The following IFT172 variants were observed in gnomAD, a reference collection of about 807,000 sequenced individuals.
IFT172 encodes the protein intraflagellar transport protein 172 homolog.
Under a neutral mutation model 248.9 loss-of-function variants are expected in IFT172, and 164 were observed. The observed-to-expected ratio is 0.66, with a 90% CI of 0.58 to 0.75. The LOEUF is 0.75. IFT172 is among the 30% of genes least tolerant of loss of function. The probability of loss-of-function intolerance (pLI) is 0.00; values close to 1 mark genes in which losing one functional copy is unlikely to be tolerated. For missense variants in IFT172, 1,950 were observed against 2,192.4 expected, an observed-to-expected ratio of 0.89 and a Z score of 2.21; for synonymous variants, 729 against 791.6, an observed-to-expected ratio of 0.92 and a Z score of 1.33.
At position 27,481,278 on chromosome 2, in the gene IFT172, G is replaced by A. The variant is rs533836320; in HGVS notation, c.571-18C>T. The stretch of plus-strand genomic sequence containing the variant: ...AACTTCCCCTAAGACAGAAGTAGAG[G>A]GTTTCAATCACTCTTCGAAGACTCC... On this transcript the variant is annotated intron_variant, in intron 7 of 47. Transcript: ENST00000260570. 4.4e-6 allele frequency: 7 copies of A among 1,596,260 alleles called. No homozygotes were observed. The highest frequency in any genetic ancestry group is 2.2e-5 in the East Asian group (1 of 44,544).
intron 24 of IFT172, 59 bp from the exon 25 acceptor site, chr2:27,459,581 A>G: frequency 6.2e-7 from 1 of 1,607,198 alleles, no homozygotes; most frequent in South Asian, 1.1e-5. Context: ...GAATGGAGGT[A>G]AAAGGACCCT....
chr2:27,485,570 T>G, intron 1 of IFT172, 67 bp from the exon 2 acceptor site: 1 of 1,568,136 alleles, frequency 6.4e-7, no homozygotes, highest in East Asian at 2.2e-5. Flanking sequence ...ATTTCTAGCT[T>G]CATTAATTCT....
chr2:27,464,580 G>C (rs1223174309), intron 18 of IFT172, among the ~76,000 whole-genome samples: 8 of 151,528 alleles, frequency 5.3e-5, no homozygotes, highest in African/African-American at 1.9e-4. Context: ...CTAGTTACAA[G>C]AAGGGGCAGT....
Position 27,454,446 on chromosome 2 carries a change from T to G in IFT172, c.3466-28A>C. 2 of 1,613,990 alleles carry G rather than the reference T, an allele frequency of 1.2e-6. No homozygotes were observed. The highest frequency in any genetic ancestry group is 1.7e-6 in the Non-Finnish European group (2 of 1,180,008). ...ACAGGGAGAGAAAGGCAGCCGTGCA[T>G]GATGAGAAGGAGACTGGCATCACAG... On this transcript the variant is annotated intron_variant, in intron 31 of 47. Transcript: ENST00000260570. The surrounding 1 kb of genome is among the most constrained non-coding windows in gnomAD (Gnocchi z 4.2).
rs1054911867 is a variant in IFT172 at position 27,444,380 on chromosome 2, T to C, written c.*52A>G. ...TCAAAGAATACAGTGGTCTCAATTA[T>C]TTATAAAACTTTAATGAGGGAGAGG... On this transcript the variant is annotated 3_prime_UTR_variant, in exon 48 of 48. Transcript: ENST00000260570. 6 of 1,169,990 alleles carry C rather than the reference T, an allele frequency of 5.1e-6. No individual in the cohort carries two copies. In the African/African-American group the frequency reaches 7.6e-5, roughly 15 times the overall value. The allele number at this position is 1,169,990 out of a possible 1,614,324, so 72.5% of individuals were successfully genotyped here. A position where few individuals can be genotyped will look rare whatever the true frequency, so the allele number is the denominator to read the frequency against.
Position 27,445,749 on chromosome 2 carries a change from A to G in IFT172, c.4910T>C (p.Val1637Ala). 6.2e-7 allele frequency: 1 copy of G among 1,614,160 alleles called. No homozygotes were observed. The change falls in exon 45 of 48, where the codon GTA becomes GCA. Residue 1637 changes from valine (V) to alanine (A), a missense_variant. Physicochemically the swap from Val to Ala is moderately conservative, Grantham distance 64. Transcript: ENST00000260570. The surrounding 1 kb of genome is among the most constrained non-coding windows in gnomAD (Gnocchi z 4.4). ...FEVPLPAKQHVPEAEREEVRD... is the reference protein window; with the variant it reads ...FEVPLPAKQHAPEAEREEVRD... Reference sequence around the variant, plus strand: ...TTTCCAACCCTGTGCCCTTACCGGTACATGCTGCTTAGCTGGGAGTGGCAC... The same window carrying G: ...TTTCCAACCCTGTGCCCTTACCGGTGCATGCTGCTTAGCTGGGAGTGGCAC...
chr2:27,479,578 C>T lies in IFT172; in HGVS notation c.936G>A (p.Gln312=), dbSNP rs139291216. 11 of 1,612,776 alleles carry T rather than the reference C, an allele frequency of 6.8e-6. No individual in the cohort carries two copies. The highest frequency in any genetic ancestry group is 3.3e-4 in the Middle Eastern group (2 of 6,080). The change falls in exon 10 of 48, where the codon CAG becomes CAA. Residue 312 remains glutamine, a synonymous_variant. Coordinates refer to ENST00000260570, the MANE Select transcript of IFT172 (RefSeq NM_015662.3). ...CVGTLCGGVE[Q]FDCCLRRSIY... The stretch of plus-strand genomic sequence containing the variant: ...TACTCCTTCGGAGGCAGCAGTCAAA[C>T]TGTTCCACCCCACCACATAGTGTGC...
rs557292146 is a variant in IFT172 at position 27,447,859 on chromosome 2, C to T, written c.4492G>A (p.Glu1498Lys). The T allele has an allele frequency of 2.2e-5, 35 of 1,613,940 alleles. No homozygotes were observed. The highest frequency in any genetic ancestry group is 5.5e-5 in the South Asian group (5 of 91,068). Residue 1498 changes from glutamate to lysine, a missense_variant, in exon 41 of 48, where the codon GAG becomes AAG. By Grantham distance (56) the Glu-to-Lys change is moderately conservative (BLOSUM62 1). Coordinates refer to ENST00000260570, the MANE Select transcript of IFT172 (RefSeq NM_015662.3). ...MVSSPGTNCA[E>K]AYHSWADLRD... is the part of the protein sequence containing the mutation. ...AGATCAGCCCAGCTATGATAGGCCT[C>T]GGCACAGTTGGTTCCAGGAGAGCTC...
At position 27,456,693 on chromosome 2, in the gene IFT172, C is replaced by T. The variant is rs113262528; in HGVS notation, c.3229-40G>A. On this transcript the variant is annotated intron_variant, in intron 29 of 47. Transcript: ENST00000260570. ...CACTCAATAATCCTGCAATACAGAG[C>T]TTCTCCCTTCTCATCTCTGACCTCG... 501 of 1,595,868 alleles carry T rather than the reference C, an allele frequency of 3.1e-4. 4 individuals are homozygous for T. In the African/African-American group the frequency reaches 5.8e-3, roughly 18 times the overall value.
intron 30 of IFT172, chr2:27,455,300 A>G (rs1259369045): frequency 1.2e-5 from 4 of 332,416 alleles, no homozygotes. Context: ...TAAATTGGCG[A>G]TTTTGAAATA....
At position 27,477,629 on chromosome 2, in the gene IFT172, C is replaced by T. The variant is rs773917595; in HGVS notation, c.1168-17G>A. 4 of 1,575,240 alleles carry T rather than the reference C, an allele frequency of 2.5e-6. No individual in the cohort carries two copies. The highest frequency in any genetic ancestry group is 3.5e-6 in the Non-Finnish European group (4 of 1,144,614). ...CCAGGCTATCTGTAACGGGAGAAGA[C>T]TTAAGAAGCAATGTGGATAAATACC... On this transcript the variant is annotated splice_polypyrimidine_tract_variant and intron_variant, in intron 11 of 47. Coordinates refer to ENST00000260570, the MANE Select transcript of IFT172 (RefSeq NM_015662.3).
chr2:27,450,598 T>C (rs1292611430), intron 35 of IFT172, among the ~76,000 whole-genome samples: 3 of 152,182 alleles, frequency 2.0e-5, no homozygotes, highest in Non-Finnish European at 4.4e-5. Context: ...AGTATTTTAT[T>C]TAATTTTTTT....
intron 30 of IFT172, 147 bp downstream of exon 30, chr2:27,456,364 C>T (rs1666162798): frequency 1.1e-5 from 12 of 1,067,628 alleles, no homozygotes; most frequent in Non-Finnish European, 9.3e-6. Flanking sequence ...TGTTCTGAGC[C>T]CCTAGGGAAT....
chr2:27,481,819 G>C (rs1668396315), intron 7 of IFT172, among the ~76,000 whole-genome samples: 1 of 151,764 alleles, frequency 6.6e-6, no homozygotes, highest in South Asian at 2.1e-4. Context: ...GATCACAGGC[G>C]TGAGCCACCA....
rs751921904 is a variant in IFT172 at position 27,459,377 on chromosome 2, C to A, written c.2787+1G>T. On this transcript the variant is annotated splice_donor_variant, in intron 25 of 47. Transcript: ENST00000260570. LOFTEE classifies it high-confidence loss of function. The stretch of plus-strand genomic sequence containing the variant: ...TGCTGCGGAAAGGGACTCTTCCTCA[C>A]CTCATACTCCTGCAGGGATGCATAG... 6.2e-7 allele frequency: 1 copy of A among 1,614,130 alleles called. No homozygotes were observed. Among genetic ancestry groups the A allele is most frequent in the Non-Finnish European group, 8.5e-7 (1 of 1,180,000 alleles).
At position 27,483,570 on chromosome 2, in the gene IFT172, CT is replaced by C. The variant is rs1668538924; in HGVS notation, c.482+9del. The C allele has an allele frequency of 6.2e-7, 1 of 1,613,272 alleles. No homozygotes were observed. The highest frequency in any genetic ancestry group is 1.3e-5 in the African/African-American group (1 of 74,890). On this transcript the variant is annotated intron_variant, in intron 6 of 47. Transcript: ENST00000260570. ...TCCAGACTCTAGTGATACTACTCCT[CT>C]TTACTCACTTTGTTGTCAGGGACAC...
At chr2:27,480,235 G>A in intron 8 of IFT172, 86 bp from the exon 9 acceptor site, 1 of 1,476,300 alleles carries the variant, frequency 6.8e-7, no homozygotes, top group Non-Finnish European at 9.0e-7. Flanking sequence ...AATTAGTCTT[G>A]CTATATCAGA....
chr2:27,487,373 G>A (rs931406834), intron 1 of IFT172, among the ~76,000 whole-genome samples: 3 of 151,998 alleles, frequency 2.0e-5, no homozygotes, highest in Non-Finnish European at 4.4e-5. Flanking sequence ...AGTGAGGTAG[G>A]GAATAAAATA....
At chr2:27,444,701 G>A (rs1664875803) in intron 47 of IFT172, among the ~76,000 whole-genome samples, 180 bp from the exon 48 acceptor site, 4 of 152,184 alleles carry the variant, frequency 2.6e-5, no homozygotes, top group Admixed American at 2.0e-4. Flanking sequence ...AGGCTGGAGT[G>A]CAGTGGCACA....
Sources: gnomAD v4.1 joint callset for allele counts (sites outside exome capture counted in the v4.1 genomes callset) on GRCh38, gnomAD v4.1.1 for gene constraint, Gnocchi (gnomAD v3.1) non-coding constraint, MANE v1.5 for transcripts, NCBI Gene and HGNC (gene_info 2026-07-23, HGNC 2026-07-21) for gene names.